The following YAE1 variants were observed in gnomAD, a reference collection of about 807,000 sequenced individuals.
The protein encoded by YAE1 is protein YAE1 homolog.
Under a neutral mutation model 23.0 loss-of-function variants are expected in YAE1, and 22 were observed. That is an observed-to-expected ratio of 0.96 (90% CI 0.68 to 1.37). YAE1 has a LOEUF of 1.37. Ranked by LOEUF, YAE1 falls within the 40% of genes most tolerant of loss-of-function variation. The probability of loss-of-function intolerance (pLI) is 0.00; values close to 1 mark genes in which losing one functional copy is unlikely to be tolerated. For synonymous variants in YAE1, 101 were observed against 97.0 expected (o/e 1.04, Z -0.24); for missense variants, 260 against 262.1 (o/e 0.99, Z 0.06).
intron 2 of YAE1, among the ~76,000 whole-genome samples, chr7:39,571,302 G>T (rs1423460311): frequency 1.5e-5 from 2 of 135,230 alleles, no homozygotes; most frequent in African/African-American, 2.8e-5. Context: ...TAACTCATCA[G>T]CTATCATTAG....
At chr7:39,601,856 A>G (rs996767028) in intron 2 of YAE1, among the ~76,000 whole-genome samples, 2 of 152,184 alleles carry the variant, frequency 1.3e-5, no homozygotes, top group Non-Finnish European at 2.9e-5. Flanking sequence ...ATGCTTGGGT[A>G]GAGCATTATA....
rs796085205 is a variant in YAE1 at position 39,570,263 on chromosome 7, A to T, written c.130-243A>T. 1.1e-5 allele frequency: 7 copies of T among 639,194 alleles called. No individual in the cohort carries two copies. In the South Asian group the frequency reaches 1.4e-4, roughly 13 times the overall value. 39.6% of individuals were successfully genotyped at this position (639,194 alleles called of 1,614,324 possible). On this transcript the variant is annotated intron_variant, in intron 1 of 2. Coordinates refer to ENST00000223273, the MANE Select transcript of YAE1 (RefSeq NM_020192.5). ...AACACTAGGTTTTTTAAAAACTGTG[A>T]CTATCAGTGTTTTAAAAATTGCCCG...
At chr7:39,570,285 C>A in intron 1 of YAE1, 1 of 657,460 alleles carries the variant, frequency 1.5e-6, no homozygotes, top group Non-Finnish European at 2.5e-6. Flanking sequence ...TTAAAAATTG[C>A]CCGGTAACTC....
chr7:39,608,106 A>C (rs1343722123), intron 2 of YAE1, among the ~76,000 whole-genome samples: 1 of 152,242 alleles, frequency 6.6e-6, no homozygotes, highest in African/African-American at 2.4e-5. Context: ...CTGTCAAAAA[A>C]ATTAATTAAG....
chr7:39,575,990 G>T (rs1368399316), downstream of YAE1, among the ~76,000 whole-genome samples: 1 of 152,030 alleles, frequency 6.6e-6, no homozygotes, highest in African/African-American at 2.4e-5. Context: ...AACTCTCCCC[G>T]ACTCTGACTG....
intron 1 of YAE1, among the ~76,000 whole-genome samples, chr7:39,568,414 C>T (rs1249791942): frequency 6.6e-6 from 1 of 151,968 alleles, no homozygotes; most frequent in African/African-American, 2.4e-5. Flanking sequence ...TTTATATTAA[C>T]CTTCTGTGAA....
chr7:39,578,081 A>G (rs182330061), intron 2 of YAE1, among the ~76,000 whole-genome samples: 61 of 152,296 alleles, frequency 4.0e-4, no homozygotes, highest in East Asian at 3.9e-3. Flanking sequence ...GAATACACCA[A>G]TCAGTGCTCT....
At chr7:39,592,409 A>G (rs990960507) in intron 2 of YAE1, among the ~76,000 whole-genome samples, 6 of 152,172 alleles carry the variant, frequency 3.9e-5, no homozygotes, top group African/African-American at 7.2e-5. Flanking sequence ...TATTTTTGCT[A>G]TATGTAAAAT....
At chr7:39,593,604 C>A (rs1379734437) in intron 2 of YAE1, among the ~76,000 whole-genome samples, 1 of 151,986 alleles carries the variant, frequency 6.6e-6, no homozygotes, top group Non-Finnish European at 1.5e-5. Context: ...GGACTACAGT[C>A]ACGCACCACC....
In YAE1 at chr7:39,584,639, C is replaced by T. The variant is rs375474029; in HGVS notation, c.251+14012C>T. ...AAAGAAGAGACCTGGTGCCAGCAAA[C>T]GAGATGTAGAGTTTATTGAGGACTT... On this transcript the variant is annotated intron_variant, in intron 2 of 2. Transcript: ENST00000432096. 1.0e-3 allele frequency among the ~76,000 whole-genome samples: 155 copies of T among 152,192 alleles called. No homozygotes were observed. The Middle Eastern group carries it at 0.01, about 10-fold the overall frequency.
chr7:39,589,363 G>T (rs2115817836), intron 2 of YAE1, among the ~76,000 whole-genome samples: 1 of 152,248 alleles, frequency 6.6e-6, no homozygotes. Context: ...ATGAAGAAAT[G>T]CTTGAGCATT....
chr7:39,592,453 G>A (rs115095282), intron 2 of YAE1, among the ~76,000 whole-genome samples: 15 of 152,108 alleles, frequency 9.9e-5, no homozygotes, highest in African/African-American at 1.4e-4. Context: ...TTACCATGGC[G>A]TTATAAACCC....
chr7:39,609,682 A>G, exon 3 of YAE1: 1 of 1,535,704 alleles, frequency 6.5e-7, no homozygotes. Flanking sequence ...GTTGGGACGC[A>G]ACTACTGCCG....
chr7:39,570,670 A>G (rs1562589038), intron 2 of YAE1, 43 bp downstream of exon 2: 4 of 1,554,586 alleles, frequency 2.6e-6, no homozygotes, highest in Non-Finnish European at 3.4e-6. Context: ...TAACCTCAAT[A>G]CTACTGGAGG....
chr7:39,596,365 A>G (rs10245247), intron 2 of YAE1, among the ~76,000 whole-genome samples: 132,283 of 151,938 alleles, frequency 0.87, 57,724 homozygotes, highest in African/African-American at 0.92. Context: ...AGCCTCCCAA[A>G]TAGCTGGGAT....
At chr7:39,584,400 A>T (rs1209148726) in intron 2 of YAE1, among the ~76,000 whole-genome samples, 1 of 152,082 alleles carries the variant, frequency 6.6e-6, no homozygotes, top group Non-Finnish European at 1.5e-5. Context: ...ATTGCCCTGC[A>T]TCCTTCATGA....
downstream of YAE1, among the ~76,000 whole-genome samples, chr7:39,577,870 G>T (rs1251807832): frequency 1.3e-5 from 2 of 152,276 alleles, no homozygotes; most frequent in African/African-American, 4.8e-5. Context: ...CGTGAGTCTA[G>T]TTGGGACTTG....
intron 2 of YAE1, among the ~76,000 whole-genome samples, chr7:39,596,178 A>G (rs1425617862): frequency 6.6e-6 from 1 of 151,556 alleles, no homozygotes; most frequent in Non-Finnish European, 1.5e-5. Context: ...CAGATTTGGC[A>G]ATCTGTAAGT....
intron 2 of YAE1, among the ~76,000 whole-genome samples, chr7:39,593,460 C>G (rs1320481656): frequency 6.6e-6 from 1 of 152,080 alleles, no homozygotes; most frequent in Admixed American, 6.5e-5. Flanking sequence ...GTAGGGCAGT[C>G]TGGTCTTGAA....
Sources: allele counts gnomAD v4.1 joint callset (sites outside exome capture counted in the v4.1 genomes callset), GRCh38; gene constraint gnomAD v4.1.1; transcripts MANE v1.5; gene names NCBI Gene and HGNC (gene_info 2026-07-23, HGNC 2026-07-21).